The following EYS variants were observed in gnomAD, a reference collection of about 807,000 sequenced individuals.
EYS encodes EGF-like photoreceptor maintenance factor, also known as protein eyes shut homolog.
In EYS, 250 loss-of-function variants were observed where a neutral mutation model predicts 282.1. The observed-to-expected ratio is 0.89, with a 90% CI of 0.80 to 0.98. The LOEUF (loss-of-function observed/expected upper bound fraction) is 0.98, where lower values mean the gene tolerates loss of function less well. EYS is among the 50% of genes least tolerant of loss of function. EYS has a pLI of 0.00. For missense variants in EYS, 4,016 were observed against 3,709.0 expected, an observed-to-expected ratio of 1.08 and a Z score of -2.15; for synonymous variants, 1,355 against 1,282.9, an observed-to-expected ratio of 1.06 and a Z score of -1.20.
chr6:64,026,643 C>T (rs747645759), intron 33 of EYS, among the ~76,000 whole-genome samples: 2 of 152,180 alleles, frequency 1.3e-5, no homozygotes, highest in Non-Finnish European at 2.9e-5. Context: ...ATATGCAAAG[C>T]TTGCAATTTA....
chr6:65,576,396 T>G (rs1016396122), intron 2 of EYS, among the ~76,000 whole-genome samples: 1 of 151,772 alleles, frequency 6.6e-6, no homozygotes, highest in Non-Finnish European at 1.5e-5. Context: ...TTATAAAAAC[T>G]CTCAATAAAT....
At chr6:64,302,439 C>T (rs887067874) in intron 30 of EYS, among the ~76,000 whole-genome samples, 4 of 152,124 alleles carry the variant, frequency 2.6e-5, no homozygotes, top group African/African-American at 9.7e-5. Flanking sequence ...GATACCAACA[C>T]TTATCTAATT....
chr6:63,809,644 G>A (rs962508058), intron 36 of EYS, among the ~76,000 whole-genome samples: 56 of 152,088 alleles, frequency 3.7e-4, no homozygotes, highest in African/African-American at 1.3e-3. Flanking sequence ...AATGCTCTGG[G>A]ATCATTTCAG....
chr6:65,343,080 A>G (rs1436241628), intron 10 of EYS, among the ~76,000 whole-genome samples: 1 of 151,242 alleles, frequency 6.6e-6, no homozygotes, highest in Non-Finnish European at 1.5e-5. Context: ...AGCTTACTTC[A>G]TATATTTATG....
At chr6:65,570,626 T>G (rs986169730) in intron 2 of EYS, among the ~76,000 whole-genome samples, 22 of 152,150 alleles carry the variant, frequency 1.4e-4, no homozygotes, top group African/African-American at 5.1e-4. Flanking sequence ...TTCCACTAAG[T>G]GAATCTGTTA....
chr6:64,063,651 C>A (rs2149853508), intron 33 of EYS, among the ~76,000 whole-genome samples: 1 of 152,258 alleles, frequency 6.6e-6, no homozygotes, highest in Middle Eastern at 3.4e-3. Context: ...CCCTCTTCTG[C>A]TTCTCTGTTC....
chr6:64,692,976 G>A (rs1233634378), intron 22 of EYS, among the ~76,000 whole-genome samples: 3 of 3,068 alleles, frequency 9.8e-4, no homozygotes, highest in African/African-American at 1.7e-3. Flanking sequence ...GGCTGCTTGG[G>A]CTTTTTTTTT....
intron 31 of EYS, among the ~76,000 whole-genome samples, chr6:64,085,732 A>G (rs1198828271): frequency 1.3e-5 from 2 of 152,202 alleles, no homozygotes; most frequent in African/African-American, 4.8e-5. Flanking sequence ...TCAGGTATAA[A>G]CAATACAACT....
intron 18 of EYS, among the ~76,000 whole-genome samples, chr6:64,891,316 C>G (rs1767286639): frequency 6.6e-6 from 1 of 152,082 alleles, no homozygotes; most frequent in African/African-American, 2.4e-5. Context: ...AGAGCAACTA[C>G]CTTTAATCCT....
intron 30 of EYS, among the ~76,000 whole-genome samples, chr6:64,274,667 C>T (rs1768054594): frequency 6.6e-6 from 1 of 151,932 alleles, no homozygotes; most frequent in African/African-American, 2.4e-5. Flanking sequence ...ACTTTGCTGA[C>T]CATTCTATTT....
At chr6:64,945,979 T>C (rs1047881362) in intron 14 of EYS, 65 bp from the exon 15 acceptor site, 11 of 1,251,756 alleles carry the variant, frequency 8.8e-6, no homozygotes, top group Non-Finnish European at 1.2e-5. Context: ...AATACAGATA[T>C]TACTCCTGGC....
chr6:65,594,067 A>G (rs1468285642), intron 2 of EYS, among the ~76,000 whole-genome samples: 1 of 151,984 alleles, frequency 6.6e-6, no homozygotes, highest in Admixed American at 6.6e-5. Context: ...TAATGAGTTG[A>G]TAGTTATATA....
rs112569295 is a variant in EYS, at chr6:65,326,271, ACT to A, written c.1766+8707_1766+8708del. Among the ~76,000 whole-genome samples, 121 of 151,834 alleles carry A rather than the reference ACT, an allele frequency of 8.0e-4. 1 individual carries two copies. The highest frequency in any genetic ancestry group is 2.8e-3 in the African/African-American group (116 of 41,478). ...CTCATTTTAAGATATACAAATATTCACTCTCATTGTCTTTTAGAAAGCGATAG... is the reference window on the plus strand; with the variant it reads ...CTCATTTTAAGATATACAAATATTCACTCATTGTCTTTTAGAAAGCGATAG... On this transcript the variant is annotated intron_variant, in intron 11 of 42. Coordinates refer to ENST00000503581, the MANE Select transcript of EYS (RefSeq NM_001142800.2).
intron 12 of EYS, among the ~76,000 whole-genome samples, chr6:65,148,842 T>C (rs1764544033): frequency 6.6e-6 from 1 of 152,094 alleles, no homozygotes; most frequent in Non-Finnish European, 1.5e-5. Flanking sequence ...ACCCACAGAC[T>C]CAAAGCCACA....
At chr6:64,854,232 C>G (rs1765977630) in intron 19 of EYS, among the ~76,000 whole-genome samples, 1 of 152,142 alleles carries the variant, frequency 6.6e-6, no homozygotes, top group Non-Finnish European at 1.5e-5. Flanking sequence ...CCATTTGACT[C>G]AGCAATCGCA....
At chr6:64,968,902 T>C (rs901595402) in intron 14 of EYS, among the ~76,000 whole-genome samples, 3 of 152,208 alleles carry the variant, frequency 2.0e-5, no homozygotes, top group Non-Finnish European at 4.4e-5. Context: ...TTGCTTTATA[T>C]GAAGGTACAA....
intron 42 of EYS, 44 bp downstream of exon 42, chr6:63,726,468 TAATAGAC>T: frequency 6.8e-7 from 1 of 1,476,450 alleles, no homozygotes; most frequent in Non-Finnish European, 9.1e-7. Flanking sequence ...ATACATTACT[TAATAGAC>T]TATTAGGAAT....
intron 2 of EYS, among the ~76,000 whole-genome samples, chr6:65,524,164 A>T (rs35348004): frequency 0.13 from 19,522 of 152,146 alleles, 1,306 homozygotes; most frequent in South Asian, 0.2. Context: ...GAGCCACCGC[A>T]TCTGGCCAGA....
At chr6:65,250,469 T>C (rs1562049911) in intron 12 of EYS, among the ~76,000 whole-genome samples, 1 of 151,962 alleles carries the variant, frequency 6.6e-6, no homozygotes, top group African/African-American at 2.4e-5. Context: ...TGGATCTTCT[T>C]GGGGTTACTA....
Sources: allele counts gnomAD v4.1 joint callset (sites outside exome capture counted in the v4.1 genomes callset), GRCh38; gene constraint gnomAD v4.1.1; transcripts MANE v1.5; gene names NCBI Gene and HGNC (gene_info 2026-07-23, HGNC 2026-07-21).